The following BTF3L4 variants were observed in gnomAD, a reference collection of about 807,000 sequenced individuals.
BTF3L4 encodes the protein basic transcription factor 3 like 4.
Under a neutral mutation model 16.8 loss-of-function variants are expected in BTF3L4, and 6 were observed. The observed-to-expected ratio is 0.36, with a 90% CI of 0.20 to 0.71. BTF3L4 has a LOEUF of 0.71. Among genes scored for constraint, BTF3L4 ranks in the 30% least tolerant of loss-of-function variants. The probability of loss-of-function intolerance (pLI) is 0.58; values close to 1 mark genes in which losing one functional copy is unlikely to be tolerated. For synonymous variants in BTF3L4, 39 were observed against 59.8 expected, an observed-to-expected ratio of 0.65 and a Z score of 1.60; for missense variants, 92 against 186.9, an observed-to-expected ratio of 0.49 and a Z score of 2.96.
At position 52,088,243 on chromosome 1, in the gene BTF3L4, A is replaced by G. The variant is rs1453625319; in HGVS notation, c.*1485A>G. The G allele has an allele frequency of 1.3e-5, 2 of 152,598 alleles. No individual in the cohort carries two copies. The highest frequency in any genetic ancestry group is 2.9e-5 in the Non-Finnish European group (2 of 68,050). 9.5% of individuals were successfully genotyped at this position (152,598 alleles called of 1,614,324 possible). A position where few individuals can be genotyped will look rare whatever the true frequency, so the allele number is the denominator to read the frequency against. On this transcript the variant is annotated 3_prime_UTR_variant, in exon 6 of 6. Coordinates refer to ENST00000313334, the MANE Select transcript of BTF3L4 (RefSeq NM_152265.5). Reference sequence around the variant, plus strand: ...ATATCTAAGGTGCAAGACCAACAATATATTAAGAGATCTGTAGACATGAAG... The same window carrying G: ...ATATCTAAGGTGCAAGACCAACAATGTATTAAGAGATCTGTAGACATGAAG...
intron 3 of BTF3L4, among the ~76,000 whole-genome samples, chr1:52,080,154 G>C (rs908190481): frequency 1.3e-5 from 2 of 152,108 alleles, no homozygotes; most frequent in Non-Finnish European, 2.9e-5. Context: ...TTACAGGCAT[G>C]AGCACCCAGC....
chr1:52,065,064 CTG>C (rs34902168), intron 3 of BTF3L4, 126 bp downstream of exon 3: 61,893 of 449,860 alleles, frequency 0.14, 5,129 homozygotes, highest in Non-Finnish European at 0.17. Context: ...CTTTGAAGGA[CTG>C]TGGCACTTTG....
At chr1:52,079,062 AAC>A (rs1687001175) in intron 3 of BTF3L4, among the ~76,000 whole-genome samples, 1 of 152,208 alleles carries the variant, frequency 6.6e-6, no homozygotes, top group Non-Finnish European at 1.5e-5. Context: ...TTATGACTTT[AAC>A]AAGTTCCTTA....
intron 3 of BTF3L4, among the ~76,000 whole-genome samples, chr1:52,066,217 A>G (rs998257944): frequency 3.9e-5 from 6 of 152,040 alleles, no homozygotes; most frequent in Non-Finnish European, 7.4e-5. Context: ...TTTTTAAGAC[A>G]GAATCTCACT....
At chr1:52,075,510 G>A (rs1456504641) in intron 3 of BTF3L4, among the ~76,000 whole-genome samples, 1 of 141,352 alleles carries the variant, frequency 7.1e-6, no homozygotes, top group Non-Finnish European at 1.5e-5. Flanking sequence ...GGGCAACAGA[G>A]TGAGACTACG....
chr1:52,082,378 G>A (rs575547964), intron 3 of BTF3L4, among the ~76,000 whole-genome samples: 1 of 152,302 alleles, frequency 6.6e-6, no homozygotes, highest in African/African-American at 2.4e-5. Flanking sequence ...AGGTGAGTGG[G>A]TGGGACAATT....
chr1:52,068,918 G>A (rs189661191), intron 3 of BTF3L4, among the ~76,000 whole-genome samples: 3 of 152,256 alleles, frequency 2.0e-5, no homozygotes, highest in African/African-American at 4.8e-5. Context: ...GGTGCCTTTC[G>A]TGTATGCCTC....
Position 52,087,254 on chromosome 1 carries a change from T to C in BTF3L4, c.*496T>C, listed in dbSNP as rs1643981220. 6.5e-6 allele frequency: 1 copy of C among 152,762 alleles called. No homozygotes were observed. The highest frequency in any genetic ancestry group is 2.4e-5 in the African/African-American group (1 of 41,472). The allele number at this position is 152,762 out of a possible 1,614,324, so 9.5% of individuals were successfully genotyped here. On this transcript the variant is annotated 3_prime_UTR_variant, in exon 6 of 6. Coordinates refer to ENST00000313334, the MANE Select transcript of BTF3L4 (RefSeq NM_152265.5). Reference sequence around the variant, plus strand: ...GAGATTTTTACCATTAGTGGTTTGATTTTAATTTGCTTGGTTAACTATCAT... The same window carrying C: ...GAGATTTTTACCATTAGTGGTTTGACTTTAATTTGCTTGGTTAACTATCAT...
chr1:52,062,509 G>A (rs1301757971), intron 2 of BTF3L4, among the ~76,000 whole-genome samples: 1 of 152,062 alleles, frequency 6.6e-6, no homozygotes, highest in African/African-American at 2.4e-5. Flanking sequence ...CGGTACAGCT[G>A]TTCTTTAGTG....
intron 2 of BTF3L4, chr1:52,060,344 CT>C (rs1403948595): frequency 1.8e-6 from 1 of 546,012 alleles, no homozygotes; most frequent in Non-Finnish European, 2.8e-6. Flanking sequence ...GTTAGGGTTA[CT>C]TTGTCTTGAC....
intron 3 of BTF3L4, among the ~76,000 whole-genome samples, chr1:52,079,309 AGAG>A (rs1266609857): frequency 2.7e-5 from 4 of 150,110 alleles, no homozygotes; most frequent in Non-Finnish European, 4.4e-5. Context: ...CTTGAATCCG[AGAG>A]GAGGAGTTGC....
chr1:52,086,046 A>G lies in BTF3L4; in HGVS notation c.371-66A>G, dbSNP rs1643970408. The G allele has an allele frequency of 3.6e-6, 4 of 1,099,470 alleles. No homozygotes were observed. The East Asian group carries it at 1.0e-4, about 28-fold the overall frequency. 68.1% of individuals were successfully genotyped at this position (1,099,470 alleles called of 1,614,324 possible). A position where few individuals can be genotyped will look rare whatever the true frequency, so the allele number is the denominator to read the frequency against. On this transcript the variant is annotated intron_variant, in intron 4 of 5. Transcript: ENST00000313334. Reference sequence around the variant, plus strand: ...GTGATTTATACAGGAAAAAAGGGATAAACATTATAAGTTTTCTTTAAGGTC... The same window carrying G: ...GTGATTTATACAGGAAAAAAGGGATGAACATTATAAGTTTTCTTTAAGGTC...
chr1:52,082,989 A>T (rs1467375701), intron 3 of BTF3L4, among the ~76,000 whole-genome samples: 1 of 152,164 alleles, frequency 6.6e-6, no homozygotes, highest in Non-Finnish European at 1.5e-5. Flanking sequence ...GACAGTATAA[A>T]TTGAGTAAGA....
intron 3 of BTF3L4, among the ~76,000 whole-genome samples, chr1:52,066,833 G>A (rs1038129880): frequency 6.6e-6 from 1 of 151,522 alleles, no homozygotes; most frequent in Non-Finnish European, 1.5e-5. Flanking sequence ...GCAACAGAGC[G>A]AGACTCCATC....
At position 52,075,115 on chromosome 1, in the gene BTF3L4, A is replaced by C. The variant is rs148282783; in HGVS notation, c.169-8225A>C. 1.6e-3 allele frequency among the ~76,000 whole-genome samples: 243 copies of C among 152,012 alleles called. 2 individuals are homozygous for C. The highest frequency in any genetic ancestry group is 5.4e-3 in the African/African-American group (223 of 41,484). On this transcript the variant is annotated intron_variant, in intron 3 of 5. Coordinates refer to ENST00000313334, the MANE Select transcript of BTF3L4 (RefSeq NM_152265.5). ...AAAATTGTTTTATGTCATTAAAAAA[A>C]CTCCTTTTAATCATGTGTAGGTATC...
At chr1:52,075,718 C>T (rs970831127) in intron 3 of BTF3L4, among the ~76,000 whole-genome samples, 8 of 151,550 alleles carry the variant, frequency 5.3e-5, no homozygotes, top group African/African-American at 1.2e-4. Context: ...GGCTGAAGTG[C>T]GGTGGCGCGA....
chr1:52,086,483 G>A, intron 5 of BTF3L4: 1 of 481,934 alleles, frequency 2.1e-6, no homozygotes, highest in Non-Finnish European at 3.7e-6. Context: ...ATTCACCTCA[G>A]TAATTTGCAT....
At chr1:52,073,293 A>C (rs1686839800) in intron 3 of BTF3L4, among the ~76,000 whole-genome samples, 1 of 152,116 alleles carries the variant, frequency 6.6e-6, no homozygotes, top group African/African-American at 2.4e-5. Context: ...TCAAAAAAAA[A>C]TATGTATCTG....
intron 2 of BTF3L4, among the ~76,000 whole-genome samples, chr1:52,064,379 A>C (rs898127358): frequency 1.3e-5 from 2 of 152,202 alleles, no homozygotes; most frequent in Non-Finnish European, 1.5e-5. Flanking sequence ...TTTTCCTCCT[A>C]CTGTAATGTA....
Sources: allele counts gnomAD v4.1 joint callset (sites outside exome capture counted in the v4.1 genomes callset), GRCh38; gene constraint gnomAD v4.1.1; transcripts MANE v1.5; gene names NCBI Gene and HGNC (gene_info 2026-07-23, HGNC 2026-07-21).